The following C16orf46 variants were observed in gnomAD, a reference collection of about 807,000 sequenced individuals.
C16orf46 encodes chromosome 16 open reading frame 46, also known as uncharacterized protein C16orf46.
A neutral mutation model predicts 5.5 loss-of-function variants in C16orf46; 7 were observed. That is an observed-to-expected ratio of 1.28 (90% confidence interval 0.73 to 2.40). C16orf46 has a LOEUF of 2.40. Among genes scored for constraint, C16orf46 ranks in the 30% most tolerant of loss-of-function variants. The probability of loss-of-function intolerance (pLI) is 0.00; values close to 1 mark genes in which losing one functional copy is unlikely to be tolerated. For synonymous variants in C16orf46, 200 were observed against 184.1 expected (o/e 1.09, Z -0.70); for missense variants, 614 against 476.0 (o/e 1.29, Z -2.70).
At chr16:81,065,638 C>T (rs1180766570) in intron 2 of C16orf46, among the ~76,000 whole-genome samples, 1 of 152,108 alleles carries the variant, frequency 6.6e-6, no homozygotes, top group Non-Finnish European at 1.5e-5. Flanking sequence ...CAAGAAGTTC[C>T]TTGCTTGTGA....
downstream of C16orf46, chr16:81,060,441 C>T (rs148603785): frequency 9.9e-3 from 1,511 of 152,688 alleles, 30 homozygotes; most frequent in African/African-American, 0.035. Context: ...TCTGAGTAGC[C>T]GGGATTACAG....
At chr16:81,071,574 C>G (rs748576859) in intron 1 of C16orf46, among the ~76,000 whole-genome samples, 8 of 152,002 alleles carry the variant, frequency 5.3e-5, no homozygotes, top group African/African-American at 7.3e-5. Flanking sequence ...CAGAGATACC[C>G]CATCACTAGA....
intron 3 of C16orf46, among the ~76,000 whole-genome samples, chr16:81,063,296 G>A (rs1971548759): frequency 6.6e-6 from 1 of 150,984 alleles, no homozygotes; most frequent in African/African-American, 2.4e-5. Flanking sequence ...AGAGCCATTA[G>A]GAAAGAAGCC....
At chr16:81,058,317 G>C (rs1971363978), downstream of C16orf46, among the ~76,000 whole-genome samples, 1 of 152,190 alleles carries the variant, frequency 6.6e-6, no homozygotes, top group African/African-American at 2.4e-5. Context: ...TTTATCCTGA[G>C]ACTGTGTCCA....
intron 3 of C16orf46, among the ~76,000 whole-genome samples, chr16:81,063,281 T>A (rs562076825): frequency 6.7e-6 from 1 of 149,500 alleles, no homozygotes; most frequent in African/African-American, 2.5e-5. Flanking sequence ...CACAGAGTTC[T>A]GAGTAGAGCC....
chr16:81,071,603 AG>A (rs940967726), intron 1 of C16orf46, among the ~76,000 whole-genome samples: 12 of 152,204 alleles, frequency 7.9e-5, no homozygotes, highest in Non-Finnish European at 1.6e-4. Context: ...TTTAATGGCC[AG>A]GCGTGGTGGT....
intron 3 of C16orf46, chr16:81,055,948 C>A (rs1384943060): frequency 6.6e-6 from 1 of 152,180 alleles, no homozygotes; most frequent in South Asian, 2.1e-4. Flanking sequence ...GAACTCCTGA[C>A]CTCAAGTGAT....
At chr16:81,060,216 G>A (rs892554735), downstream of C16orf46, among the ~76,000 whole-genome samples, 5 of 152,166 alleles carry the variant, frequency 3.3e-5, no homozygotes, top group African/African-American at 9.7e-5. Flanking sequence ...TGCAGGAGAC[G>A]ATAGTGTATA....
At chr16:81,074,901 T>A (rs1168973577) in intron 1 of C16orf46, among the ~76,000 whole-genome samples, 2 of 152,224 alleles carry the variant, frequency 1.3e-5, no homozygotes, top group African/African-American at 4.8e-5. Flanking sequence ...TGGACCATTA[T>A]TAAACCTGCG....
At chr16:81,059,011 T>G (rs868661217), downstream of C16orf46, among the ~76,000 whole-genome samples, 8 of 152,128 alleles carry the variant, frequency 5.3e-5, no homozygotes, top group African/African-American at 1.9e-4. Context: ...CATGCATACA[T>G]GCAGGATTAA....
chr16:81,070,604 C>A (rs1971816014), intron 1 of C16orf46, among the ~76,000 whole-genome samples: 1 of 152,314 alleles, frequency 6.6e-6, no homozygotes, highest in African/African-American at 2.4e-5. Context: ...TATGCAAAAA[C>A]ACTTTACAAT....
intron 1 of C16orf46, among the ~76,000 whole-genome samples, chr16:81,068,890 A>C (rs549579415): frequency 1.4e-4 from 21 of 151,600 alleles, no homozygotes; most frequent in Non-Finnish European, 2.5e-4. Flanking sequence ...TTTTTAGTAG[A>C]GACAGGGTTT....
In C16orf46 at chr16:81,062,046, G is replaced by C; in HGVS notation, c.303C>G (p.Asp101Glu). 1 of 1,613,418 alleles carries C rather than the reference G, an allele frequency of 6.2e-7. No individual in the cohort carries two copies. The highest frequency in any genetic ancestry group is 8.5e-7 in the Non-Finnish European group (1 of 1,180,012). Reference protein sequence around the residue: ...KARVGEGACSDCLVCVNLSHW... With the variant: ...KARVGEGACSECLVCVNLSHW... ...GGGAGAGGTTAACACACACCAAGCA[G>C]TCGCTGCAGGCACCTTCCCCTACCC... Residue 101 changes from aspartate (D) to glutamate (E), a missense_variant, in exon 4 of 4, where the codon GAC becomes GAG. Physicochemically the swap from Asp to Glu is conservative, Grantham distance 45. Transcript: ENST00000299578.
chr16:81,072,006 G>A (rs891801897), intron 1 of C16orf46: 5 of 152,220 alleles, frequency 3.3e-5, no homozygotes, highest in African/African-American at 1.2e-4. Context: ...CAGTGAATAG[G>A]TAACGTCCTC....
At position 81,064,546 on chromosome 16, in the gene C16orf46, G is replaced by A. The variant is rs1213991251; in HGVS notation, c.-38-553C>T. ...ATGGATCACCTGAGGTCAGGAGTTC[G>A]AGGACAGCCTGGCCAACATGGCGAA... On this transcript the variant is annotated intron_variant, in intron 2 of 3. Coordinates refer to ENST00000299578, the MANE Select transcript of C16orf46 (RefSeq NM_152337.3). Among the ~76,000 whole-genome samples the A allele has an allele frequency of 1.1e-4, 16 of 151,882 alleles. No homozygotes were observed. In the East Asian group the frequency reaches 1.6e-3, roughly 15 times the overall value.
Position 81,061,899 on chromosome 16 carries a change from G to A in C16orf46, c.450C>T (p.Ile150=). The A allele has an allele frequency of 6.2e-7, 1 of 1,614,230 alleles. No homozygotes were observed. Among genetic ancestry groups the A allele is most frequent in the Non-Finnish European group, 8.5e-7 (1 of 1,180,042 alleles). ...CTGCTCGAAAGTAGGTGGGAAAGCAGATGTCGCTAATTGCCCTGGAAGCAG... is the reference window on the plus strand; with the variant it reads ...CTGCTCGAAAGTAGGTGGGAAAGCAAATGTCGCTAATTGCCCTGGAAGCAG... ...PSTASRAISD[I]CFPTYFRAEK... is the part of the protein sequence containing the mutation. The change falls in exon 4 of 4, where the codon ATC becomes ATT. Residue 150 remains isoleucine, a synonymous_variant. Transcript: ENST00000299578.
downstream of C16orf46, chr16:81,056,090 T>C (rs966070691): frequency 2.6e-5 from 4 of 152,190 alleles, no homozygotes; most frequent in East Asian, 1.9e-4. Flanking sequence ...AAAAGCCACT[T>C]TGATATATAC....
rs1971454921 is a variant in C16orf46, at chr16:81,061,204, A to G, written c.1145T>C (p.Val382Ala). 3 of 1,613,878 alleles carry G rather than the reference A, an allele frequency of 1.9e-6. No individual in the cohort carries two copies. The highest frequency in any genetic ancestry group is 2.5e-6 in the Non-Finnish European group (3 of 1,179,844). The change falls in exon 4 of 4, where the codon GTG becomes GCG. Residue 382 changes from valine (V) to alanine (A), a missense_variant. Coordinates refer to ENST00000299578, the MANE Select transcript of C16orf46 (RefSeq NM_152337.3). ...FPRPVLPSLTVSRVIIPVSTH... is the reference protein window; with the variant it reads ...FPRPVLPSLTASRVIIPVSTH... ...AGAGACAGGAATGATAACTCTGCTC[A>G]CTGTGAGAGACGGCAAGACAGGTCT...
At chr16:81,068,903 C>A (rs1971746540) in intron 1 of C16orf46, among the ~76,000 whole-genome samples, 1 of 151,852 alleles carries the variant, frequency 6.6e-6, no homozygotes, top group Non-Finnish European at 1.5e-5. Flanking sequence ...CAGGGTTTCA[C>A]CATGTTGGCC....
Sources: gnomAD v4.1 joint callset for allele counts (sites outside exome capture counted in the v4.1 genomes callset) on GRCh38, gnomAD v4.1.1 for gene constraint, MANE v1.5 for transcripts, NCBI Gene and HGNC (gene_info 2026-07-23, HGNC 2026-07-21) for gene names.